The following PUDP variants were observed in gnomAD, a reference collection of about 807,000 sequenced individuals.
The protein encoded by PUDP is pseudouridine-5'-phosphatase.
PUDP carries 8 observed loss-of-function variants against 9.4 expected under a neutral mutation model. The ratio of observed to expected loss-of-function variants is 0.85; its 90% CI spans 0.50 to 1.53. The LOEUF (loss-of-function observed/expected upper bound fraction) is 1.53. PUDP is among the 40% of genes most tolerant of loss of function. PUDP has a pLI of 0.00. For missense variants in PUDP, 188 were observed against 189.7 expected (o/e 0.99, Z 0.05); for synonymous variants, 99 against 80.7 (o/e 1.23, Z -1.22).
intron 1 of PUDP, among the ~76,000 whole-genome samples, chrX:7,032,429 C>T (rs1267762792): frequency 3.6e-5 from 4 of 112,039 alleles, no homozygotes; most frequent in Non-Finnish European, 7.5e-5. Context: ...TTCATTGTAG[C>T]ATTATTCATG....
intron 1 of PUDP, among the ~76,000 whole-genome samples, chrX:7,009,298 A>C (rs1231594126): frequency 8.9e-6 from 1 of 112,275 alleles, no homozygotes; most frequent in East Asian, 2.8e-4. Flanking sequence ...GACATGAGAC[A>C]ATTTTAAGGA....
In PUDP at chrX:7,112,710, TGAGTA is replaced by T. The variant is rs777455474; in HGVS notation, c.62-6877_62-6873del. Among the ~76,000 whole-genome samples, 39 of 111,862 alleles carry T rather than the reference TGAGTA, an allele frequency of 3.5e-4. No individual in the cohort carries two copies. The East Asian group carries it at 9.6e-3, about 27-fold the overall frequency. On this transcript the variant is annotated intron_variant, in intron 1 of 3. Transcript: ENST00000381077. Reference sequence around the variant, plus strand: ...TTTCTTTTTGAGACAAGGTCTCACCTGAGTATAGTAGGGTGATCACATCCCACTGC... The same window carrying T: ...TTTCTTTTTGAGACAAGGTCTCACCTTAGTAGGGTGATCACATCCCACTGC...
chrX:7,054,762 T>C (rs1930194272), intron 3 of PUDP, among the ~76,000 whole-genome samples: 1 of 111,840 alleles, frequency 8.9e-6, no homozygotes, highest in Non-Finnish European at 1.9e-5. Flanking sequence ...TTCCCCGACA[T>C]TTGCCGGACT....
At chrX:6,888,493 CA>C (rs1224333613) in intron 3 of PUDP, among the ~76,000 whole-genome samples, 1 of 107,920 alleles carries the variant, frequency 9.3e-6, no homozygotes, top group South Asian at 4.2e-4. Flanking sequence ...AAAAAAAATA[CA>C]AAAAAATTAG....
intron 3 of PUDP, 122 bp from the exon 4 acceptor site, chrX:7,050,594 G>A (rs1193310773): frequency 4.7e-6 from 3 of 633,150 alleles, no homozygotes; most frequent in Non-Finnish European, 7.3e-6. Context: ...ATTACAGTGG[G>A]GGCTCCCCAG....
intron 3 of PUDP, among the ~76,000 whole-genome samples, chrX:6,896,837 C>T (rs749015080): frequency 1.9e-4 from 21 of 111,410 alleles, no homozygotes; most frequent in African/African-American, 5.9e-4. Context: ...ATAGATGTGG[C>T]GGGACAGAAG....
At chrX:6,803,537 G>T (rs1481229210) in intron 3 of PUDP, among the ~76,000 whole-genome samples, 4 of 112,421 alleles carry the variant, frequency 3.6e-5, no homozygotes, top group African/African-American at 1.3e-4. Context: ...AGCATGAAAA[G>T]AAAGATACTT....
intron 1 of PUDP, among the ~76,000 whole-genome samples, chrX:7,026,946 A>C (rs1929719223): frequency 9.0e-6 from 1 of 111,568 alleles, no homozygotes; most frequent in Non-Finnish European, 1.9e-5. Flanking sequence ...GCTGTCCACA[A>C]TGACTGAGAT....
At chrX:7,066,422 T>G (rs2146853315) in intron 3 of PUDP, among the ~76,000 whole-genome samples, 1 of 110,247 alleles carries the variant, frequency 9.1e-6, no homozygotes, top group East Asian at 2.9e-4. Flanking sequence ...CCTAGATAGG[T>G]GGGGGGTGAA....
intron 3 of PUDP, among the ~76,000 whole-genome samples, chrX:6,921,492 T>G (rs1165108119): frequency 9.0e-6 from 1 of 111,610 alleles, no homozygotes; most frequent in Non-Finnish European, 1.9e-5. Flanking sequence ...CCTTAAAAAC[T>G]ATGGCATTCT....
At chrX:6,997,533 A>C (rs1929267849) in intron 1 of PUDP, among the ~76,000 whole-genome samples, 1 of 112,794 alleles carries the variant, frequency 8.9e-6, no homozygotes, top group Non-Finnish European at 1.9e-5. Flanking sequence ...ATTTGTGAAA[A>C]GCTTACAATT....
At chrX:6,993,335 T>C (rs905589203) in intron 1 of PUDP, among the ~76,000 whole-genome samples, 2 of 112,165 alleles carry the variant, frequency 1.8e-5, no homozygotes, top group African/African-American at 6.5e-5. Flanking sequence ...ATGATTTCTT[T>C]TCCCAAAGTT....
At chrX:7,006,025 G>C (rs1305993275) in intron 1 of PUDP, among the ~76,000 whole-genome samples, 1 of 111,873 alleles carries the variant, frequency 8.9e-6, no homozygotes, top group Non-Finnish European at 1.9e-5. Context: ...CCTTTTGAAG[G>C]CTGAATAATA....
intron 3 of PUDP, among the ~76,000 whole-genome samples, chrX:6,962,572 T>A (rs1928724537): frequency 8.9e-6 from 1 of 112,397 alleles, no homozygotes; most frequent in South Asian, 3.7e-4. Flanking sequence ...GTAATTACAG[T>A]CTCTTCAAAA....
At chrX:6,827,451 G>A (rs1255897178) in intron 3 of PUDP, among the ~76,000 whole-genome samples, 2 of 111,750 alleles carry the variant, frequency 1.8e-5, no homozygotes, top group East Asian at 5.6e-4. Context: ...TATGCCGTAT[G>A]TAAATGGAGA....
intron 1 of PUDP, among the ~76,000 whole-genome samples, chrX:7,031,314 T>C (rs1929789520): frequency 8.9e-6 from 1 of 112,034 alleles, no homozygotes; most frequent in African/African-American, 3.2e-5. Flanking sequence ...CTTGTTCAAA[T>C]GTCTCTGACA....
chrX:6,897,025 T>A (rs1366603777), intron 3 of PUDP, among the ~76,000 whole-genome samples: 1 of 111,557 alleles, frequency 9.0e-6, no homozygotes, highest in Non-Finnish European at 1.9e-5. Context: ...GAGTTTGTGG[T>A]TTAGATGTGT....
At chrX:7,065,728 T>C (rs1473762441) in intron 3 of PUDP, among the ~76,000 whole-genome samples, 3 of 111,999 alleles carry the variant, frequency 2.7e-5, no homozygotes, top group Non-Finnish European at 5.6e-5. Flanking sequence ...ACGGGCTTTA[T>C]TGCAAATTAG....
intron 3 of PUDP, among the ~76,000 whole-genome samples, chrX:6,765,934 C>A (rs1002018637): frequency 9.0e-6 from 1 of 111,467 alleles, no homozygotes; most frequent in Admixed American, 9.6e-5. Context: ...CATGCCAAGA[C>A]ACTTCTTAAT....
Sources: gnomAD v4.1 joint callset for allele counts (sites outside exome capture counted in the v4.1 genomes callset) on GRCh38, gnomAD v4.1.1 for gene constraint, MANE v1.5 for transcripts, NCBI Gene and HGNC (gene_info 2026-07-23, HGNC 2026-07-21) for gene names.